Variants in HEMK2 observed in about 807,000 individuals in gnomAD.
HEMK2 encodes the protein methyltransferase HEMK2.
chr21:28,643,133 A>C, the HEMK2 span, among the ~76,000 whole-genome samples: 1 of 152,188 alleles, frequency 6.6e-6, no homozygotes, highest in East Asian at 1.9e-4. Context: ...AGTCCCCACC[A>C]GTTCCTACTG....
chr21:28,613,383 T>C, the HEMK2 span, among the ~76,000 whole-genome samples: 1 of 152,032 alleles, frequency 6.6e-6, no homozygotes, highest in South Asian at 2.1e-4. Context: ...TGCACTCATT[T>C]TAGCCAGCAG....
the HEMK2 span, among the ~76,000 whole-genome samples, chr21:28,813,979 C>T: frequency 6.6e-6 from 1 of 152,062 alleles, no homozygotes; most frequent in East Asian, 1.9e-4. Context: ...TCACACTTGT[C>T]TTAATCACAG....
At chr21:28,721,931 CACACACAT>C in the HEMK2 span, among the ~76,000 whole-genome samples, 776 of 147,446 alleles carry the variant, frequency 5.3e-3, 7 homozygotes, top group African/African-American at 0.018. Flanking sequence ...CACACACACA[CACACACAT>C]ACACCTATTT....
At chr21:28,643,230 T>C in the HEMK2 span, among the ~76,000 whole-genome samples, 1 of 152,210 alleles carries the variant, frequency 6.6e-6, no homozygotes, top group Non-Finnish European at 1.5e-5. Context: ...AAAATTCATA[T>C]GCAGAAATCT....
the HEMK2 span, among the ~76,000 whole-genome samples, chr21:28,620,367 G>A: frequency 1.3e-5 from 2 of 152,092 alleles, no homozygotes; most frequent in African/African-American, 4.8e-5. Flanking sequence ...TGGACCTCTG[G>A]TAGAATTTGG....
the HEMK2 span, among the ~76,000 whole-genome samples, chr21:28,743,894 C>T: frequency 6.6e-6 from 1 of 152,098 alleles, no homozygotes. Context: ...ATATAGACCA[C>T]AGAATACTAT....
chr21:28,588,869 G>T, the HEMK2 span, among the ~76,000 whole-genome samples: 1 of 151,658 alleles, frequency 6.6e-6, no homozygotes, highest in Non-Finnish European at 1.5e-5. Flanking sequence ...TGTAGTCCCA[G>T]CTACTCAGGA....
At chr21:28,822,150 T>C in the HEMK2 span, among the ~76,000 whole-genome samples, 1 of 143,454 alleles carries the variant, frequency 7.0e-6, no homozygotes, top group African/African-American at 2.6e-5. Flanking sequence ...AGCCACACTC[T>C]GAAAAGTCAT....
chr21:28,665,371 C>CT, the HEMK2 span, among the ~76,000 whole-genome samples: 57 of 15,890 alleles, frequency 3.6e-3, no homozygotes, highest in African/African-American at 0.017. Flanking sequence ...TTTTAATTTT[C>CT]TTTTTTTTTT....
the HEMK2 span, among the ~76,000 whole-genome samples, chr21:28,831,659 GA>G: frequency 7.0e-5 from 3 of 42,758 alleles, no homozygotes; most frequent in South Asian, 1.8e-3. Context: ...AAGAAAGAAA[GA>G]AAGAAAGAAA....
the HEMK2 span, among the ~76,000 whole-genome samples, chr21:28,682,326 G>T: frequency 2.0e-5 from 3 of 152,068 alleles, no homozygotes; most frequent in African/African-American, 4.8e-5. Flanking sequence ...GGCCATCAGA[G>T]AAATGCAAAT....
chr21:28,813,602 AAAG>A, the HEMK2 span, among the ~76,000 whole-genome samples: 11 of 152,242 alleles, frequency 7.2e-5, no homozygotes, highest in Admixed American at 2.0e-4. Context: ...TGGAACCAAA[AAAG>A]AGCCCATATA....
At chr21:28,863,422 A>T in the HEMK2 span, among the ~76,000 whole-genome samples, 9 of 13,082 alleles carry the variant, frequency 6.9e-4, no homozygotes, top group African/African-American at 1.6e-3. Context: ...ATATATATAT[A>T]TATATATATA....
At chr21:28,863,461 T>TAC in the HEMK2 span, among the ~76,000 whole-genome samples, 2 of 82,936 alleles carry the variant, frequency 2.4e-5, no homozygotes, top group African/African-American at 1.0e-4. Context: ...TATATATATA[T>TAC]ATATATATAC....
the HEMK2 span, among the ~76,000 whole-genome samples, chr21:28,763,768 A>G: frequency 6.6e-6 from 1 of 152,134 alleles, no homozygotes; most frequent in African/African-American, 2.4e-5. Context: ...CAGGAGACAC[A>G]GTGAGGTGCA....
the HEMK2 span, among the ~76,000 whole-genome samples, chr21:28,633,808 T>C: frequency 6.6e-6 from 1 of 152,170 alleles, no homozygotes; most frequent in Admixed American, 6.5e-5. Flanking sequence ...ATAAGCACTG[T>C]ACACTATGCT....
the HEMK2 span, among the ~76,000 whole-genome samples, chr21:28,678,965 G>A: frequency 4.2e-4 from 64 of 152,238 alleles, no homozygotes; most frequent in African/African-American, 1.4e-3. Flanking sequence ...GACCATCAAG[G>A]CTAGGAAGAA....
At chr21:28,610,749 T>G in the HEMK2 span, among the ~76,000 whole-genome samples, 22 of 152,176 alleles carry the variant, frequency 1.4e-4, no homozygotes, top group African/African-American at 5.3e-4. Flanking sequence ...AAGTAGCTAT[T>G]CTTGTATCAG....
the HEMK2 span, among the ~76,000 whole-genome samples, chr21:28,641,441 A>T: frequency 3.3e-3 from 510 of 152,252 alleles, 3 homozygotes; most frequent in African/African-American, 0.012. Context: ...TGGGCTATAT[A>T]ATGGCTTAAG....
Sources: gnomAD v4.1 joint callset for allele counts (sites outside exome capture counted in the v4.1 genomes callset) on GRCh38, gnomAD v4.1.1 for gene constraint, MANE v1.5 for transcripts, NCBI Gene and HGNC (gene_info 2026-07-23, HGNC 2026-07-21) for gene names.